Variants in GLIPR2 observed in about 807,000 individuals in gnomAD.
The protein encoded by GLIPR2 is GLI pathogenesis related 2.
In GLIPR2, 21 loss-of-function variants were observed where a neutral mutation model predicts 20.4. The observed-to-expected ratio is 1.03, with a 90% CI of 0.73 to 1.48. The LOEUF is 1.48. Ranked by LOEUF, GLIPR2 falls within the 40% of genes most tolerant of loss-of-function variation. The probability of loss-of-function intolerance (pLI) is 0.00; values close to 1 mark genes in which losing one functional copy is unlikely to be tolerated. For missense variants in GLIPR2, 205 were observed against 200.1 expected (o/e 1.02, Z -0.15); for synonymous variants, 91 against 80.5 (o/e 1.13, Z -0.70).
intron 3 of GLIPR2, among the ~76,000 whole-genome samples, chr9:36,149,854 C>A (rs1156751179): frequency 6.6e-6 from 1 of 152,142 alleles, no homozygotes; most frequent in Non-Finnish European, 1.5e-5. Flanking sequence ...ATGGAGAAAC[C>A]CCATCTGTAC....
Position 36,163,121 on chromosome 9 carries a change from G to A in GLIPR2, c.*599G>A. ...TGCATGCCTCCTGGAATTCTCCAATGGGGTCGCCAAACAACAAATGGAGAA... is the reference window on the plus strand; with the variant it reads ...TGCATGCCTCCTGGAATTCTCCAATAGGGTCGCCAAACAACAAATGGAGAA... On this transcript the variant is annotated 3_prime_UTR_variant, in exon 5 of 5. Coordinates refer to ENST00000377960, the MANE Select transcript of GLIPR2 (RefSeq NM_022343.4). 3.6e-6 allele frequency: 1 copy of A among 275,696 alleles called. No homozygotes were observed. Among genetic ancestry groups the A allele is most frequent in the Non-Finnish European group, 7.1e-6 (1 of 140,054 alleles). The allele number at this position is 275,696 out of a possible 1,614,324, so 17.1% of individuals were successfully genotyped here.
chr9:36,143,014 A>G (rs1325791864), intron 1 of GLIPR2, among the ~76,000 whole-genome samples: 1 of 152,146 alleles, frequency 6.6e-6, no homozygotes, highest in African/African-American at 2.4e-5. Context: ...TGGCGGACAC[A>G]GTGCCTAGCT....
chr9:36,153,543 C>T (rs1049336610), intron 4 of GLIPR2, among the ~76,000 whole-genome samples: 1 of 152,130 alleles, frequency 6.6e-6, no homozygotes, highest in Admixed American at 6.6e-5. Flanking sequence ...TGCAACTCCT[C>T]CTTGCTGCAT....
chr9:36,136,673 A>T (rs1824828293), upstream of GLIPR2: 2 of 836,208 alleles, frequency 2.4e-6, no homozygotes, highest in Non-Finnish European at 3.2e-6. This position sits in a 1 kb window ranked among gnomAD's most constrained non-coding sequence, Gnocchi z 4.3. Flanking sequence ...GCGGCGCCGG[A>T]GGAGGGGCCG....
chr9:36,153,198 A>G lies in GLIPR2; in HGVS notation c.304+2249A>G, dbSNP rs72731407. Among the ~76,000 whole-genome samples the G allele has an allele frequency of 8.9e-3, 1,355 of 152,104 alleles. 2 individuals carry two copies. Among genetic ancestry groups the G allele is most frequent in the Non-Finnish European group, 0.015 (1,051 of 68,002 alleles). ...AGAGGAAGAAACTGAGGCCTAGAAA[A>G]GGGAAGCAGCCTTTCTCATGCCTTC... is the stretch of plus-strand genomic sequence containing the variant. On this transcript the variant is annotated intron_variant, in intron 4 of 4. Transcript: ENST00000377960.
At chr9:36,148,425 A>G (rs1825434978) in intron 2 of GLIPR2, 122 bp from the exon 3 acceptor site, 4 of 653,862 alleles carry the variant, frequency 6.1e-6, no homozygotes, top group South Asian at 5.3e-5. Flanking sequence ...AAATCATGCA[A>G]GAGTGGTGCT....
chr9:36,150,728 C>T (rs1281344935), intron 3 of GLIPR2, 144 bp from the exon 4 acceptor site: 13 of 627,154 alleles, frequency 2.1e-5, no homozygotes, highest in African/African-American at 5.5e-5. Flanking sequence ...TGCAAAGCAG[C>T]GTCCAGGATG....
At chr9:36,148,738 C>A in intron 3 of GLIPR2, 88 bp downstream of exon 3, 1 of 829,544 alleles carries the variant, frequency 1.2e-6, no homozygotes, top group Non-Finnish European at 2.0e-6. Context: ...CCAGCACCCT[C>A]GTGGTGTAGC....
At chr9:36,140,443 ATAT>A (rs1313889580) in intron 1 of GLIPR2, among the ~76,000 whole-genome samples, 2 of 152,138 alleles carry the variant, frequency 1.3e-5, no homozygotes, top group African/African-American at 2.4e-5. Context: ...TGCTTTGAAG[ATAT>A]TATGAAAACC....
intron 4 of GLIPR2, among the ~76,000 whole-genome samples, chr9:36,154,315 A>AGACAAC (rs1452145066): frequency 2.0e-5 from 3 of 152,108 alleles, no homozygotes; most frequent in African/African-American, 7.2e-5. Flanking sequence ...CCTGCCCAAG[A>AGACAAC]GACAACGAGA....
intron 1 of GLIPR2, among the ~76,000 whole-genome samples, chr9:36,140,561 T>TCC (rs1337746097): frequency 6.6e-6 from 1 of 151,960 alleles, no homozygotes; most frequent in African/African-American, 2.4e-5. Flanking sequence ...AATGGCTGCC[T>TCC]CCCCTTCAAT....
At chr9:36,150,690 C>T (rs1443420356) in intron 3 of GLIPR2, among the ~76,000 whole-genome samples, 182 bp from the exon 4 acceptor site, 1 of 152,210 alleles carries the variant, frequency 6.6e-6, no homozygotes, top group Non-Finnish European at 1.5e-5. Context: ...TCAGCCTGGC[C>T]ATGCTCATGG....
chr9:36,153,107 G>T (rs2132758332), intron 4 of GLIPR2, among the ~76,000 whole-genome samples: 2 of 148,388 alleles, frequency 1.3e-5, no homozygotes, highest in South Asian at 2.2e-4. Context: ...GGGCAACAAG[G>T]GCGAGACTCT....
chr9:36,163,029 G>A lies in GLIPR2; in HGVS notation c.*507G>A, dbSNP rs552382064. The A allele has an allele frequency of 1.2e-4, 47 of 394,310 alleles. No individual in the cohort carries two copies. Among genetic ancestry groups the A allele is most frequent in the African/African-American group, 9.3e-4 (44 of 47,126 alleles). The allele number at this position is 394,310 out of a possible 1,614,324, so 24.4% of individuals were successfully genotyped here. A position where few individuals can be genotyped will look rare whatever the true frequency, so the allele number is the denominator to read the frequency against. ...ACAAAGCAGCTTCCATCAGGAACAT[G>A]GAGCAGGCAGGGACTCCATTTTACA... On this transcript the variant is annotated 3_prime_UTR_variant, in exon 5 of 5. Coordinates refer to ENST00000377960, the MANE Select transcript of GLIPR2 (RefSeq NM_022343.4).
intron 4 of GLIPR2, among the ~76,000 whole-genome samples, chr9:36,154,636 G>A (rs1825751314): frequency 1.3e-5 from 2 of 152,216 alleles, no homozygotes; most frequent in African/African-American, 2.4e-5. Flanking sequence ...ACCTTCGTTA[G>A]TGGACTAGAG....
At position 36,136,897 on chromosome 9, in the gene GLIPR2, C is replaced by A; in HGVS notation, c.13+106C>A. The stretch of plus-strand genomic sequence containing the variant: ...AGCCAGGTCCTGGGGAGTGCGGGAG[C>A]CCGGGGTGCGGGTGGAGGGCGCGCG... On this transcript the variant is annotated intron_variant, in intron 1 of 4. Coordinates refer to ENST00000377960, the MANE Select transcript of GLIPR2 (RefSeq NM_022343.4). The surrounding 1 kb of genome is among the most constrained non-coding windows in gnomAD (Gnocchi z 4.3). 8.3e-7 allele frequency: 1 copy of A among 1,199,730 alleles called. No individual in the cohort carries two copies. The highest frequency in any genetic ancestry group is 1.0e-6 in the Non-Finnish European group (1 of 958,540). The allele number at this position is 1,199,730 out of a possible 1,614,324, so 74.3% of individuals were successfully genotyped here.
intron 4 of GLIPR2, among the ~76,000 whole-genome samples, chr9:36,161,515 A>G (rs200956971): frequency 1.0e-3 from 117 of 113,230 alleles, no homozygotes; most frequent in Admixed American, 4.4e-3. Flanking sequence ...AAAAAAAAAA[A>G]GGGCCCAGGA....
intron 4 of GLIPR2, among the ~76,000 whole-genome samples, chr9:36,154,164 G>A (rs956093851): frequency 1.3e-4 from 19 of 147,880 alleles, no homozygotes; most frequent in African/African-American, 4.5e-4. Flanking sequence ...GCACAATCTC[G>A]GCTCACTGCA....
In GLIPR2 at chr9:36,162,482, A is replaced by G. The variant is rs916680032; in HGVS notation, c.425A>G (p.Glu142Gly). The G allele has an allele frequency of 1.2e-6, 2 of 1,614,188 alleles. No individual in the cohort carries two copies. Among genetic ancestry groups the G allele is most frequent in the Non-Finnish European group, 1.7e-6 (2 of 1,180,024 alleles). Residue 142 changes from glutamate to glycine, a missense_variant, in exon 5 of 5, where the codon GAG (glutamate) becomes GGG (glycine). Physicochemically the swap from Glu to Gly is moderately conservative, Grantham distance 98 (BLOSUM62 -2). Coordinates refer to ENST00000377960, the MANE Select transcript of GLIPR2 (RefSeq NM_022343.4). ...TTCCCAGCGGGGAATGTTGTCAATG[A>G]GGGCTTCTTCGAAGAAAACGTCCTG... ...RYFPAGNVVNEGFFEENVLPP... is the reference protein window; with the variant it reads ...RYFPAGNVVNGGFFEENVLPP...
Sources: gnomAD v4.1 joint callset for allele counts (sites outside exome capture counted in the v4.1 genomes callset) on GRCh38, gnomAD v4.1.1 for gene constraint, Gnocchi (gnomAD v3.1) non-coding constraint, MANE v1.5 for transcripts, NCBI Gene and HGNC (gene_info 2026-07-23, HGNC 2026-07-21) for gene names.